The following ARK2C variants were observed in gnomAD, a reference collection of about 807,000 sequenced individuals.
ARK2C encodes the protein arkadia (RNF111) C-terminal like ring finger ubiquitin ligase 2C.
chr18:46,337,893 G>T, the ARK2C span, among the ~76,000 whole-genome samples: 16 of 151,974 alleles, frequency 1.1e-4, no homozygotes, highest in Middle Eastern at 3.4e-3. Context: ...GATAGGAGGG[G>T]CCAGTTGTCC....
chr18:46,437,276 C>T, the ARK2C span, among the ~76,000 whole-genome samples: 1 of 151,706 alleles, frequency 6.6e-6, no homozygotes, highest in Non-Finnish European at 1.5e-5. Context: ...TCTGCTCCAG[C>T]GGGGGCCAGC....
the ARK2C span, among the ~76,000 whole-genome samples, chr18:46,429,082 C>T: frequency 6.6e-5 from 10 of 152,110 alleles, no homozygotes; most frequent in Non-Finnish European, 2.9e-5. Context: ...GGTCCGGTGC[C>T]GCTTGCTCAT....
At chr18:46,420,799 C>T in the ARK2C span, among the ~76,000 whole-genome samples, 2 of 151,390 alleles carry the variant, frequency 1.3e-5, no homozygotes, top group East Asian at 1.9e-4. Flanking sequence ...GAGCCTAGAT[C>T]GCATCATTGT....
the ARK2C span, chr18:46,387,056 G>C: frequency 6.6e-6 from 1 of 152,298 alleles, no homozygotes; most frequent in Admixed American, 6.5e-5. Flanking sequence ...CAGTAGACAG[G>C]CTGGGTAAAG....
the ARK2C span, chr18:46,386,496 A>G: frequency 6.6e-6 from 1 of 152,186 alleles, no homozygotes; most frequent in Non-Finnish European, 1.5e-5. Flanking sequence ...CTGGGGCCAG[A>G]ACTAGAATCC....
chr18:46,404,516 G>T, the ARK2C span, among the ~76,000 whole-genome samples: 106 of 152,284 alleles, frequency 7.0e-4, 2 homozygotes, highest in South Asian at 5.0e-3. Context: ...CACTTTGGGT[G>T]GCCGAGGCAG....
At chr18:46,398,214 G>C in the ARK2C span, among the ~76,000 whole-genome samples, 1 of 150,694 alleles carries the variant, frequency 6.6e-6, no homozygotes, top group Non-Finnish European at 1.5e-5. Context: ...GTGTGAGGGT[G>C]TGTGTGCCTG....
the ARK2C span, among the ~76,000 whole-genome samples, chr18:46,375,588 A>G: frequency 2.3e-5 from 3 of 130,594 alleles, no homozygotes; most frequent in Non-Finnish European, 5.3e-5. Flanking sequence ...TAATAATAAT[A>G]ATAATAATAA....
At chr18:46,408,339 T>C in the ARK2C span, among the ~76,000 whole-genome samples, 159 of 152,372 alleles carry the variant, frequency 1.0e-3, 1 homozygote, top group African/African-American at 3.5e-3. Context: ...CATCTCTTGG[T>C]CCCACCTCCC....
At chr18:46,338,818 G>A in the ARK2C span, among the ~76,000 whole-genome samples, 2 of 152,188 alleles carry the variant, frequency 1.3e-5, no homozygotes, top group Non-Finnish European at 2.9e-5. Flanking sequence ...TCATTTTGGA[G>A]CTGCTCCTCT....
chr18:46,435,749 G>A, the ARK2C span, among the ~76,000 whole-genome samples: 1 of 152,204 alleles, frequency 6.6e-6, no homozygotes, highest in Non-Finnish European at 1.5e-5. Flanking sequence ...AGAATTCCGA[G>A]GAACTGGGTT....
At chr18:46,420,180 A>C in the ARK2C span, among the ~76,000 whole-genome samples, 1 of 152,320 alleles carries the variant, frequency 6.6e-6, no homozygotes, top group South Asian at 2.1e-4. Context: ...TCATAGCACC[A>C]GCTCCTTAAA....
chr18:46,338,664 T>C, the ARK2C span, among the ~76,000 whole-genome samples: 4 of 152,188 alleles, frequency 2.6e-5, no homozygotes, highest in African/African-American at 4.8e-5. Flanking sequence ...GAGGTATTTT[T>C]TTTCCCAGAG....
At chr18:46,434,084 T>A in the ARK2C span, among the ~76,000 whole-genome samples, 1 of 152,140 alleles carries the variant, frequency 6.6e-6, no homozygotes, top group African/African-American at 2.4e-5. Flanking sequence ...GGGAGTGAAA[T>A]TAGACAATTC....
chr18:46,360,236 C>G, the ARK2C span, among the ~76,000 whole-genome samples: 1 of 152,190 alleles, frequency 6.6e-6, no homozygotes, highest in African/African-American at 2.4e-5. Context: ...CAGTCTCCAC[C>G]AAGGGTGCTG....
chr18:46,363,553 T>C, the ARK2C span, among the ~76,000 whole-genome samples: 1 of 152,156 alleles, frequency 6.6e-6, no homozygotes, highest in Non-Finnish European at 1.5e-5. Context: ...GATTCACCCC[T>C]GCAAACCTCC....
the ARK2C span, among the ~76,000 whole-genome samples, chr18:46,415,663 G>A: frequency 2.0e-5 from 3 of 152,180 alleles, no homozygotes; most frequent in Admixed American, 6.5e-5. Context: ...GAATCAAACA[G>A]GCTCCAGATT....
the ARK2C span, among the ~76,000 whole-genome samples, chr18:46,403,885 A>T: frequency 1.3e-5 from 2 of 152,092 alleles, no homozygotes; most frequent in Non-Finnish European, 2.9e-5. Flanking sequence ...CAAAAAAACA[A>T]AACAAAACAA....
the ARK2C span, among the ~76,000 whole-genome samples, chr18:46,421,233 A>G: frequency 6.6e-6 from 1 of 152,182 alleles, no homozygotes; most frequent in Non-Finnish European, 1.5e-5. Flanking sequence ...CTTGCACTTT[A>G]TCTGCTTTAG....
Sources: gnomAD v4.1 joint callset for allele counts (sites outside exome capture counted in the v4.1 genomes callset) on GRCh38, gnomAD v4.1.1 for gene constraint, MANE v1.5 for transcripts, NCBI Gene and HGNC (gene_info 2026-07-23, HGNC 2026-07-21) for gene names.